The following DGKH variants were observed in gnomAD, a reference collection of about 807,000 sequenced individuals.
The protein encoded by DGKH is diacylglycerol kinase eta.
A neutral mutation model predicts 159.3 loss-of-function variants in DGKH; 90 were observed. The ratio of observed to expected loss-of-function variants is 0.57; its 90% CI spans 0.48 to 0.67. The LOEUF (loss-of-function observed/expected upper bound fraction) is 0.67. Among genes scored for constraint, DGKH ranks in the 30% least tolerant of loss-of-function variants. The pLI, the probability that DGKH is intolerant of heterozygous loss-of-function variation, is 0.00. For synonymous variants in DGKH, 536 were observed against 553.8 expected (o/e 0.97, Z 0.45); for missense variants, 1,181 against 1,506.1 (o/e 0.78, Z 3.57).
intron 1 of DGKH, among the ~76,000 whole-genome samples, chr13:42,040,997 CG>C (rs1880464677): frequency 6.6e-6 from 1 of 151,568 alleles, no homozygotes; most frequent in South Asian, 2.1e-4. Context: ...TCCCCCCGCC[CG>C]GGCCGGGTTC....
chr13:42,067,098 G>T (rs1882633625), intron 1 of DGKH, among the ~76,000 whole-genome samples: 1 of 152,074 alleles, frequency 6.6e-6, no homozygotes, highest in Admixed American at 6.5e-5. Context: ...AAGATGTTGT[G>T]ACCAGAGGTT....
intron 1 of DGKH, among the ~76,000 whole-genome samples, chr13:42,053,568 C>CTATATATGTATATATATAACTA (rs1322414653): frequency 9.3e-4 from 47 of 50,620 alleles, no homozygotes; most frequent in East Asian, 4.0e-3. Flanking sequence ...ATATATATAA[C>CTATATATGTATATATATAACTA]TATATATGTA....
exon 31 of DGKH, chr13:42,256,322 A>T (rs1219228696): frequency 1.9e-6 from 3 of 1,593,130 alleles, no homozygotes; most frequent in Non-Finnish European, 2.6e-6. Flanking sequence ...AATCCAGGCC[A>T]ATACAGAAAG....
intron 3 of DGKH, among the ~76,000 whole-genome samples, chr13:42,132,348 G>A (rs944797736): frequency 2.6e-5 from 4 of 151,994 alleles, no homozygotes; most frequent in African/African-American, 9.7e-5. Flanking sequence ...GTCATCCTAC[G>A]GTGCTATAGA....
chr13:42,158,063 C>T (rs185273000), intron 5 of DGKH, among the ~76,000 whole-genome samples: 13 of 152,226 alleles, frequency 8.5e-5, no homozygotes, highest in African/African-American at 2.2e-4. Flanking sequence ...CTGGCCTAGA[C>T]GAATATTTTT....
At chr13:42,069,498 T>C (rs1882813984) in intron 1 of DGKH, 2 of 1,576,050 alleles carry the variant, frequency 1.3e-6, no homozygotes, top group Non-Finnish European at 1.7e-6. Context: ...GAATAGTTCC[T>C]GCAATAAAGG....
At chr13:42,199,169 C>T (rs1477061769) in intron 18 of DGKH, among the ~76,000 whole-genome samples, 1 of 151,942 alleles carries the variant, frequency 6.6e-6, no homozygotes, top group African/African-American at 2.4e-5. Context: ...AATATTTGTC[C>T]ATTGTTAAGT....
downstream of DGKH, among the ~76,000 whole-genome samples, chr13:42,244,550 A>G (rs12869882): frequency 6.6e-6 from 1 of 152,230 alleles, no homozygotes. Context: ...TCAGGAGTGT[A>G]TCTAGCACTG....
At chr13:42,203,806 C>T (rs576522779) in intron 20 of DGKH, among the ~76,000 whole-genome samples, 5 of 152,042 alleles carry the variant, frequency 3.3e-5, no homozygotes, top group Non-Finnish European at 7.4e-5. Context: ...ACATTCTATC[C>T]TGAGCGACAG....
At chr13:42,070,105 C>T in intron 1 of DGKH, 1 of 968,212 alleles carries the variant, frequency 1.0e-6, no homozygotes, top group Non-Finnish European at 1.7e-6. Context: ...AAAAGGATGG[C>T]TTGAAATTGG....
At chr13:42,098,034 C>A (rs1367782089) in intron 1 of DGKH, among the ~76,000 whole-genome samples, 1 of 152,162 alleles carries the variant, frequency 6.6e-6, no homozygotes, top group African/African-American at 2.4e-5. Flanking sequence ...TTCTTGTCTT[C>A]TCTCCCATTT....
intron 16 of DGKH, among the ~76,000 whole-genome samples, chr13:42,194,300 TG>T (rs1957151729): frequency 6.6e-6 from 1 of 152,158 alleles, no homozygotes; most frequent in Non-Finnish European, 1.5e-5. Flanking sequence ...CCACCATGCC[TG>T]GCTAACATTT....
At chr13:42,124,244 G>A (rs636264) in intron 1 of DGKH, among the ~76,000 whole-genome samples, 122,825 of 151,960 alleles carry the variant, frequency 0.81, 50,131 homozygotes, top group African/African-American at 0.89. Flanking sequence ...AATATTTTTG[G>A]TAACTGACAT....
intron 3 of DGKH, among the ~76,000 whole-genome samples, chr13:42,135,241 G>A (rs559739127): frequency 1.3e-5 from 2 of 152,136 alleles, no homozygotes; most frequent in Admixed American, 1.3e-4. Context: ...GCTCATGCCT[G>A]TAATCCCAAC....
chr13:42,073,100 T>C (rs1434345038), intron 1 of DGKH, among the ~76,000 whole-genome samples: 2 of 152,254 alleles, frequency 1.3e-5, no homozygotes, highest in Non-Finnish European at 2.9e-5. Context: ...GGAATGGTTC[T>C]AGTTTTGAGA....
chr13:42,159,213 A>T, intron 5 of DGKH, 53 bp from the exon 6 acceptor site: 1 of 1,019,276 alleles, frequency 9.8e-7, no homozygotes, highest in Non-Finnish European at 1.3e-6. Context: ...TCATTGGTCC[A>T]AAATTTCTTG....
chr13:42,247,260 T>G (rs968320415), downstream of DGKH, among the ~76,000 whole-genome samples: 2 of 148,896 alleles, frequency 1.3e-5, no homozygotes, highest in African/African-American at 5.0e-5. Context: ...GAGACAGTCT[T>G]GCTCTGTTGG....
At chr13:42,210,517 G>A in intron 23 of DGKH, 85 bp from the exon 24 acceptor site, 1 of 1,317,016 alleles carries the variant, frequency 7.6e-7, no homozygotes, top group Non-Finnish European at 1.0e-6. Flanking sequence ...TAGAGAAAAA[G>A]CAATTGTAGT....
At chr13:42,204,043 A>G (rs1957404065) in intron 20 of DGKH, among the ~76,000 whole-genome samples, 1 of 152,122 alleles carries the variant, frequency 6.6e-6, no homozygotes, top group South Asian at 2.1e-4. Context: ...GTTGCTTAAT[A>G]TATATATATT....
Sources: allele counts gnomAD v4.1 joint callset (sites outside exome capture counted in the v4.1 genomes callset), GRCh38; gene constraint gnomAD v4.1.1; transcripts MANE v1.5; gene names NCBI Gene and HGNC (gene_info 2026-07-23, HGNC 2026-07-21).